Variants in BACH2 observed in about 807,000 individuals in gnomAD.
The protein encoded by BACH2 is transcription regulator protein BACH2.
BACH2 carries 5 observed loss-of-function variants against 61.8 expected under a neutral mutation model. That is an observed-to-expected ratio of 0.08 (90% CI 0.04 to 0.17). BACH2 has a LOEUF of 0.17. Ranked by LOEUF, BACH2 falls within the 10% of genes least tolerant of loss-of-function variation. The probability of loss-of-function intolerance (pLI) is 1.00; values close to 1 mark genes in which losing one functional copy is unlikely to be tolerated. For missense variants in BACH2, 824 were observed against 1,091.1 expected (o/e 0.76, Z 3.45); for synonymous variants, 446 against 440.1 (o/e 1.01, Z -0.17).
At chr6:90,212,446 T>C (rs932126148) in intron 3 of BACH2, among the ~76,000 whole-genome samples, 2 of 152,130 alleles carry the variant, frequency 1.3e-5, no homozygotes, top group Non-Finnish European at 2.9e-5. Flanking sequence ...ACAGCAGATG[T>C]GTGGCTGTGG....
intron 6 of BACH2, among the ~76,000 whole-genome samples, chr6:90,000,855 G>C (rs1777098977): frequency 6.6e-6 from 1 of 152,162 alleles, no homozygotes; most frequent in African/African-American, 2.4e-5. Flanking sequence ...TGGGAGAACT[G>C]AGCTTGTGCC....
chr6:89,935,296 T>A (rs1772952507), intron 8 of BACH2, among the ~76,000 whole-genome samples: 1 of 152,192 alleles, frequency 6.6e-6, no homozygotes, highest in South Asian at 2.1e-4. Context: ...TATGGGTGGC[T>A]GTGCAACCTG....
chr6:89,977,705 T>C (rs1055757177), intron 6 of BACH2, among the ~76,000 whole-genome samples: 3 of 152,260 alleles, frequency 2.0e-5, no homozygotes, highest in Non-Finnish European at 4.4e-5. Flanking sequence ...GTTCATTATA[T>C]ATCGAGATTA....
intron 3 of BACH2, among the ~76,000 whole-genome samples, chr6:90,230,353 T>C (rs1246417681): frequency 2.6e-5 from 4 of 152,234 alleles, no homozygotes; most frequent in Non-Finnish European, 4.4e-5. Context: ...TTTAATCACA[T>C]GCATCATACC....
At chr6:90,127,310 C>T (rs1220054547) in intron 4 of BACH2, among the ~76,000 whole-genome samples, 4 of 152,186 alleles carry the variant, frequency 2.6e-5, no homozygotes, top group African/African-American at 7.2e-5. Flanking sequence ...CATGAGAAGA[C>T]GTGGACCCCC....
intron 5 of BACH2, among the ~76,000 whole-genome samples, chr6:90,080,052 C>T (rs1274209309): frequency 2.0e-5 from 3 of 152,050 alleles, no homozygotes; most frequent in Non-Finnish European, 4.4e-5. Flanking sequence ...ACCACCCTGC[C>T]GTGAACCACA....
At chr6:90,104,876 G>T (rs1242949801) in intron 4 of BACH2, among the ~76,000 whole-genome samples, 2 of 152,152 alleles carry the variant, frequency 1.3e-5, no homozygotes, top group Non-Finnish European at 2.9e-5. Flanking sequence ...GTGTATGCTG[G>T]TTTCCCCCAT....
chr6:90,288,232 G>A (rs1772078590), intron 1 of BACH2, among the ~76,000 whole-genome samples: 1 of 151,656 alleles, frequency 6.6e-6, no homozygotes, highest in African/African-American at 2.4e-5. Flanking sequence ...ACAAATCAAT[G>A]CAAGTAATTC....
intron 3 of BACH2, among the ~76,000 whole-genome samples, chr6:90,212,167 G>C (rs1461492200): frequency 6.6e-6 from 1 of 152,174 alleles, no homozygotes; most frequent in Non-Finnish European, 1.5e-5. Context: ...GTTAAGTCTG[G>C]ACAATCTTCA....
At chr6:90,150,839 G>A (rs531354525) in intron 4 of BACH2, among the ~76,000 whole-genome samples, 1 of 152,330 alleles carries the variant, frequency 6.6e-6, no homozygotes, top group Admixed American at 6.5e-5. Flanking sequence ...CAAAACAGTG[G>A]TGGGTTCAGA....
In BACH2 at chr6:90,209,175, A is replaced by T. The variant is rs192249920; in HGVS notation, c.-274-2494T>A. Among the ~76,000 whole-genome samples the T allele has an allele frequency of 8.9e-3, 1,350 of 152,276 alleles. 17 individuals are homozygous for T. Among genetic ancestry groups the T allele is most frequent in the African/African-American group, 0.03 (1,257 of 41,546 alleles). ...TATGTAATAAACCTGAATGTTGTGC[A>T]CATGTATCCCAGAACTTAAAGTATA... is the stretch of plus-strand genomic sequence containing the variant. On this transcript the variant is annotated intron_variant, in intron 3 of 8. Transcript: ENST00000257749.
intron 6 of BACH2, among the ~76,000 whole-genome samples, chr6:89,977,470 T>C (rs1170282956): frequency 1.3e-5 from 2 of 152,226 alleles, no homozygotes; most frequent in African/African-American, 2.4e-5. Flanking sequence ...CATCTTATTC[T>C]TTCCTTATGA....
At chr6:90,059,324 A>G (rs1562409633) in intron 5 of BACH2, among the ~76,000 whole-genome samples, 1 of 152,270 alleles carries the variant, frequency 6.6e-6, no homozygotes, top group Admixed American at 6.5e-5. Context: ...GGATATGAAC[A>G]GACACTTCTC....
chr6:90,226,750 A>G (rs1769929095), intron 3 of BACH2, among the ~76,000 whole-genome samples: 1 of 152,098 alleles, frequency 6.6e-6, no homozygotes, highest in African/African-American at 2.4e-5. Context: ...CTGGAGGGCA[A>G]TGGTGCAATC....
rs1772677039 is a variant in BACH2 at position 89,931,960 on chromosome 6, T to TTA, written c.*446_*447dup. 7.0e-6 allele frequency: 1 copy of TTA among 143,248 alleles called. No individual in the cohort carries two copies. Among genetic ancestry groups the TTA allele is most frequent in the Admixed American group, 7.0e-5 (1 of 14,230 alleles). The allele number at this position is 143,248 out of a possible 1,614,324, so 8.9% of individuals were successfully genotyped here. A position where few individuals can be genotyped will look rare whatever the true frequency, so the allele number is the denominator to read the frequency against. On this transcript the variant is annotated 3_prime_UTR_variant, in exon 9 of 9. Coordinates refer to ENST00000257749, the MANE Select transcript of BACH2 (RefSeq NM_021813.4). ...ATATATATATATATATATATATATT[T>TTA]TATATATATATTATATATAATATGT... is the stretch of plus-strand genomic sequence containing the variant.
At chr6:89,977,750 G>C (rs1451066558) in intron 6 of BACH2, among the ~76,000 whole-genome samples, 1 of 150,628 alleles carries the variant, frequency 6.6e-6, no homozygotes, top group East Asian at 2.0e-4. Flanking sequence ...TCATTGCTGA[G>C]ATACAAGGCG....
chr6:90,201,607 T>C (rs997367146), intron 4 of BACH2, among the ~76,000 whole-genome samples: 4 of 152,224 alleles, frequency 2.6e-5, no homozygotes, highest in African/African-American at 9.6e-5. Context: ...CCCCAGCTTG[T>C]CTTTTATCTT....
At chr6:90,000,742 T>C (rs1173583093) in intron 6 of BACH2, among the ~76,000 whole-genome samples, 3 of 152,204 alleles carry the variant, frequency 2.0e-5, no homozygotes, top group Admixed American at 2.0e-4. Flanking sequence ...ATGTTCTAGG[T>C]GATCAGATAG....
At chr6:89,957,720 T>C (rs2128358406) in intron 6 of BACH2, among the ~76,000 whole-genome samples, 1 of 152,278 alleles carries the variant, frequency 6.6e-6, no homozygotes, top group East Asian at 1.9e-4. Flanking sequence ...TTTGTATTTT[T>C]AGTAGAGACG....
Sources: gnomAD v4.1 joint callset for allele counts (sites outside exome capture counted in the v4.1 genomes callset) on GRCh38, gnomAD v4.1.1 for gene constraint, MANE v1.5 for transcripts, NCBI Gene and HGNC (gene_info 2026-07-23, HGNC 2026-07-21) for gene names.